DNAH10: variants seen among roughly 807,000 people sequenced by gnomAD.
DNAH10 encodes the protein dynein axonemal heavy chain 10.
Under a neutral mutation model 506.6 loss-of-function variants are expected in DNAH10, and 348 were observed. The observed-to-expected ratio is 0.69, with a 90% CI of 0.63 to 0.75. The LOEUF (loss-of-function observed/expected upper bound fraction) is 0.75. Among genes scored for constraint, DNAH10 ranks in the 30% least tolerant of loss-of-function variants. DNAH10 has a pLI of 0.00. For synonymous variants in DNAH10, 2,059 were observed against 2,198.6 expected, an observed-to-expected ratio of 0.94 and a Z score of 1.78; for missense variants, 5,179 against 5,787.1, an observed-to-expected ratio of 0.89 and a Z score of 3.41.
At chr12:123,789,626 C>T (rs557764623) in intron 10 of DNAH10, among the ~76,000 whole-genome samples, 5 of 152,190 alleles carry the variant, frequency 3.3e-5, no homozygotes, top group South Asian at 4.2e-4. Context: ...TCAAGTGATC[C>T]GCCCCCCTCA....
intron 50 of DNAH10, among the ~76,000 whole-genome samples, chr12:123,880,294 G>A (rs1044436442): frequency 1.3e-5 from 2 of 152,088 alleles, no homozygotes; most frequent in Non-Finnish European, 2.9e-5. Context: ...TGGACAAAAG[G>A]AGGGAGTCTG....
chr12:123,832,045 C>T (rs1960609295), intron 26 of DNAH10, among the ~76,000 whole-genome samples: 1 of 152,114 alleles, frequency 6.6e-6, no homozygotes, highest in Non-Finnish European at 1.5e-5. Flanking sequence ...CATGTATACA[C>T]ACGTATATGC....
In DNAH10 at chr12:123,850,445, C is replaced by T. The variant is rs545817259; in HGVS notation, c.6103-443C>T. ...AAAGCCAGGTGAGAGGAATGGAAGCCGGCGCTGTGTGAGGTGGTGGGCTGG... is the reference window on the plus strand; with the variant it reads ...AAAGCCAGGTGAGAGGAATGGAAGCTGGCGCTGTGTGAGGTGGTGGGCTGG... On this transcript the variant is annotated intron_variant, in intron 34 of 78. Coordinates refer to ENST00000673944, the MANE Select transcript of DNAH10 (RefSeq NM_001372106.1). The surrounding 1 kb of genome is among the most constrained non-coding windows in gnomAD (Gnocchi z 5.5). 2.6e-5 allele frequency among the ~76,000 whole-genome samples: 4 copies of T among 152,266 alleles called. No homozygotes were observed. The highest frequency in any genetic ancestry group is 2.1e-4 in the South Asian group (1 of 4,822).
rs1214736953 is a variant in DNAH10 at position 123,923,816 on chromosome 12, G to A, written c.11560G>A (p.Glu3854Lys). Residue 3854 changes from glutamate (E) to lysine (K), a missense_variant, in exon 66 of 79, where the codon GAA (glutamate) becomes AAA (lysine). Around this residue, in one of 3 missense-constraint regions of DNAH10, gnomAD observed 4,844 missense variants for 5,430.5 expected, o/e 0.89. Transcript: ENST00000673944. ...LFSFNMTIKI[E>K]QAEGRVPQEE... is the part of the protein sequence containing the mutation. ...TTCTTTTAATATGACCATCAAGATA[G>A]AACAAGCAGAAGGGAGAGTCCCTCA... is the stretch of plus-strand genomic sequence containing the variant. 1 of 1,612,728 alleles carries A rather than the reference G, an allele frequency of 6.2e-7. No homozygotes were observed. The highest frequency in any genetic ancestry group is 2.2e-5 in the East Asian group (1 of 44,860).
At position 123,803,327 on chromosome 12, in the gene DNAH10, G is replaced by A. The variant is rs561271700; in HGVS notation, c.2615-334G>A. The stretch of plus-strand genomic sequence containing the variant: ...TAAGCTCCAGGCCAGAGGAGGCTGC[G>A]GGCAGGTGGTGCAGAGTGGAGGTTC... On this transcript the variant is annotated intron_variant, in intron 16 of 78. Coordinates refer to ENST00000673944, the MANE Select transcript of DNAH10 (RefSeq NM_001372106.1). 1.2e-4 allele frequency among the ~76,000 whole-genome samples: 18 copies of A among 152,292 alleles called. No homozygotes were observed. The South Asian group carries it at 1.5e-3, about 12-fold the overall frequency.
At chr12:123,799,191 G>GGTCGCTGTTTC in intron 13 of DNAH10, 55 bp from the exon 14 acceptor site, 1 of 1,502,210 alleles carries the variant, frequency 6.7e-7, no homozygotes. Context: ...TGTAGAGCGA[G>GGTCGCTGTTTC]ATGAAAAATG....
chr12:123,769,878 C>T (rs1390250290), intron 2 of DNAH10, among the ~76,000 whole-genome samples: 1 of 150,664 alleles, frequency 6.6e-6, no homozygotes, highest in Non-Finnish European at 1.5e-5. Flanking sequence ...CTCAGCCTTC[C>T]AAGTAGCTGG....
intron 46 of DNAH10, among the ~76,000 whole-genome samples, chr12:123,874,034 G>A (rs1192355309): frequency 6.6e-6 from 1 of 152,052 alleles, no homozygotes; most frequent in East Asian, 1.9e-4. Context: ...TAATACTGTT[G>A]TTGGCCCCGT....
At position 123,886,222 on chromosome 12, in the gene DNAH10, C is replaced by T. The variant is rs186413155; in HGVS notation, c.8824-920C>T. 6.6e-4 allele frequency among the ~76,000 whole-genome samples: 101 copies of T among 152,086 alleles called. 1 individual carries two copies. Among genetic ancestry groups the T allele is most frequent in the South Asian group, 6.2e-3 (30 of 4,812 alleles). On this transcript the variant is annotated intron_variant, in intron 51 of 78. Coordinates refer to ENST00000673944, the MANE Select transcript of DNAH10 (RefSeq NM_001372106.1). ...GGCATTTTCCCCTAAAGTAGCGCCT[C>T]GAGGAACAGCAGAGAGGATGTTGAG...
At position 123,762,435 on chromosome 12, in the gene DNAH10, C is replaced by A; in HGVS notation, c.99C>A (p.Asp33Glu). Residue 33 changes from aspartate (D) to glutamate (E), a missense_variant, in exon 1 of 79, where the codon GAC becomes GAA. Asp to Glu is a conservative substitution (Grantham distance 45). Transcript: ENST00000673944. The surrounding 1 kb of genome is among the most constrained non-coding windows in gnomAD (Gnocchi z 5.0). ...TCGAGGACCTGCTCAACCGCGACGACGGCCAGGGCGAGGACCTCATCTTGC... is the reference window on the plus strand; with the variant it reads ...TCGAGGACCTGCTCAACCGCGACGAAGGCCAGGGCGAGGACCTCATCTTGC... The part of the protein sequence containing the change: ...QLFEDLLNRD[D>E]GQGEDLILHF... 6.9e-7 allele frequency: 1 copy of A among 1,439,720 alleles called. No individual in the cohort carries two copies. The allele number at this position is 1,439,720 out of a possible 1,614,324, so 89.2% of individuals were successfully genotyped here. A position where few individuals can be genotyped will look rare whatever the true frequency, so the allele number is the denominator to read the frequency against.
chr12:123,784,421 C>T (rs1416152389), intron 8 of DNAH10, among the ~76,000 whole-genome samples: 1 of 152,000 alleles, frequency 6.6e-6, no homozygotes, highest in Admixed American at 6.6e-5. Flanking sequence ...GTGGTGTGCA[C>T]CTGTAGTTCC....
chr12:123,867,737 G>A, intron 42 of DNAH10, 136 bp downstream of exon 42: 2 of 1,397,526 alleles, frequency 1.4e-6, no homozygotes, highest in Non-Finnish European at 1.9e-6. Flanking sequence ...CGGGCGCCGT[G>A]CTTGCTTTTG....
intron 52 of DNAH10, among the ~76,000 whole-genome samples, chr12:123,888,887 G>A (rs1952855223): frequency 6.6e-6 from 1 of 152,144 alleles, no homozygotes; most frequent in South Asian, 2.1e-4. Flanking sequence ...ACTTCGTCTG[G>A]CCTAATGGCT....
intron 67 of DNAH10, 26 bp downstream of exon 67, chr12:123,924,458 C>T: frequency 6.2e-7 from 1 of 1,603,828 alleles, no homozygotes; most frequent in East Asian, 2.2e-5. Flanking sequence ...CTTTCTCCTC[C>T]TCTCCTTCCC....
chr12:123,800,514 T>G, intron 15 of DNAH10, 126 bp downstream of exon 15: 21 of 944,820 alleles, frequency 2.2e-5, no homozygotes, highest in Non-Finnish European at 3.2e-5. Context: ...TTATGAATTC[T>G]TACCACATTA....
intron 52 of DNAH10, among the ~76,000 whole-genome samples, chr12:123,891,778 A>C (rs1204121727): frequency 6.6e-6 from 1 of 152,202 alleles, no homozygotes; most frequent in African/African-American, 2.4e-5. Flanking sequence ...CGCAGGACTC[A>C]GCATGTGGTC....
In DNAH10 at chr12:123,902,732, A is replaced by T. The variant is rs905675581; in HGVS notation, c.9641-207A>T. On this transcript the variant is annotated intron_variant, in intron 56 of 78. Coordinates refer to ENST00000673944, the MANE Select transcript of DNAH10 (RefSeq NM_001372106.1). This position sits in a 1 kb window ranked among gnomAD's most constrained non-coding sequence, Gnocchi z 4.5. ...GGGCCAGTTGAGGAAGGTCAGAGTC[A>T]GGGTGGCTGCCTAGTGCTGGAGGCC... Among the ~76,000 whole-genome samples the T allele has an allele frequency of 1.3e-5, 2 of 152,182 alleles. No homozygotes were observed. The highest frequency in any genetic ancestry group is 4.8e-5 in the African/African-American group (2 of 41,438).
In DNAH10 at chr12:123,930,507, C is replaced by T. The variant is rs1306291263; in HGVS notation, c.12718C>T (p.His4240Tyr). The change falls in exon 73 of 79, where the codon CAC becomes TAC. Residue 4240 changes from histidine to tyrosine, a missense_variant. Around this residue, in one of 3 missense-constraint regions of DNAH10, gnomAD observed 4,844 missense variants for 5,430.5 expected, o/e 0.89. Coordinates refer to ENST00000673944, the MANE Select transcript of DNAH10 (RefSeq NM_001372106.1). The part of the protein sequence containing the change: ...DFIFDTFQPF[H>Y]FFRNKEVDYK... ...CATTTTTGATACTTTCCAGCCATTC[C>T]ACTTCTTCCGGAACAAGGAAGTGGA... 4 of 1,610,038 alleles carry T rather than the reference C, an allele frequency of 2.5e-6. No homozygotes were observed. In the Admixed American group the frequency reaches 5.1e-5, roughly 21 times the overall value.
intron 72 of DNAH10, chr12:123,930,079 C>G: frequency 1.9e-6 from 1 of 521,022 alleles, no homozygotes; most frequent in Non-Finnish European, 3.4e-6. Flanking sequence ...GCAGTGACAT[C>G]AATTCCAAAG....
Sources: allele counts gnomAD v4.1 joint callset (sites outside exome capture counted in the v4.1 genomes callset), GRCh38; gene constraint gnomAD v4.1.1; regional missense constraint gnomAD v4.1.1; non-coding constraint Gnocchi (gnomAD v3.1); transcripts MANE v1.5; gene names NCBI Gene and HGNC (gene_info 2026-07-23, HGNC 2026-07-21).